TUSC3: variants seen among roughly 807,000 people sequenced by gnomAD.
TUSC3 encodes the protein dolichyl-diphosphooligosaccharide--protein glycosyltransferase subunit TUSC3.
In TUSC3, 45 loss-of-function variants were observed where a neutral mutation model predicts 44.8. The observed-to-expected ratio is 1.00, with a 90% confidence interval of 0.79 to 1.29. TUSC3 has a LOEUF of 1.29. Ranked by LOEUF, TUSC3 falls within the 50% of genes most tolerant of loss-of-function variation. TUSC3 has a pLI of 0.00. For missense variants in TUSC3, 519 were observed against 437.9 expected, an observed-to-expected ratio of 1.19 and a Z score of -1.65; for synonymous variants, 212 against 152.9, an observed-to-expected ratio of 1.39 and a Z score of -2.85.
chr8:15,815,100 G>C, the TUSC3 span, among the ~76,000 whole-genome samples: 2 of 152,112 alleles, frequency 1.3e-5, no homozygotes, highest in Non-Finnish European at 2.9e-5. Flanking sequence ...TAAGTAATGA[G>C]ACAATGTAGT....
At chr8:15,694,730 A>G (rs967438979) in intron 6 of TUSC3, among the ~76,000 whole-genome samples, 1 of 152,140 alleles carries the variant, frequency 6.6e-6, no homozygotes, top group African/African-American at 2.4e-5. Flanking sequence ...CCCGAGCTGC[A>G]TGCCCTAACT....
At chr8:15,433,355 A>T (rs974845628) in intron 1 of TUSC3, among the ~76,000 whole-genome samples, 7 of 152,298 alleles carry the variant, frequency 4.6e-5, no homozygotes, top group East Asian at 1.9e-4. Context: ...TTAATTTTTT[A>T]AAAATTTTTC....
chr8:15,448,479 T>C (rs1434352391), intron 1 of TUSC3, among the ~76,000 whole-genome samples: 1 of 152,070 alleles, frequency 6.6e-6, no homozygotes, highest in Non-Finnish European at 1.5e-5. Context: ...CTTTTGGAGA[T>C]TTTACCCTTT....
the TUSC3 span, among the ~76,000 whole-genome samples, chr8:15,844,804 G>C: frequency 6.6e-6 from 1 of 151,914 alleles, no homozygotes; most frequent in Non-Finnish European, 1.5e-5. Flanking sequence ...TACTGCCTCC[G>C]ATATTTTAAA....
intron 1 of TUSC3, among the ~76,000 whole-genome samples, chr8:15,467,277 CAAAAAAA>C (rs11371796): frequency 4.2e-4 from 43 of 103,040 alleles, no homozygotes; most frequent in Admixed American, 1.1e-3. Flanking sequence ...GTTCTTTAGC[CAAAAAAA>C]AAAAAAAAAA....
chr8:15,648,331 A>AC (rs1018930940), intron 2 of TUSC3, among the ~76,000 whole-genome samples: 3 of 152,142 alleles, frequency 2.0e-5, no homozygotes, highest in African/African-American at 7.2e-5. Flanking sequence ...ATACCCATGA[A>AC]CAAAGCAGTC....
the TUSC3 span, among the ~76,000 whole-genome samples, chr8:15,830,651 C>G: frequency 6.8e-4 from 103 of 152,190 alleles, no homozygotes; most frequent in Middle Eastern, 3.4e-3. Flanking sequence ...AGTGAAATAA[C>G]TTAAAAACAG....
chr8:15,512,896 C>A (rs1235581620), intron 2 of TUSC3, among the ~76,000 whole-genome samples: 1 of 102,898 alleles, frequency 9.7e-6, no homozygotes, highest in Non-Finnish European at 1.9e-5. Flanking sequence ...ACACACAATT[C>A]TCTCGGTGTA....
chr8:15,746,405 TTTTTATTTTTGATGTGGC>T (rs1444759740), intron 8 of TUSC3, among the ~76,000 whole-genome samples: 4 of 152,156 alleles, frequency 2.6e-5, no homozygotes, highest in African/African-American at 9.7e-5. Context: ...TTTGATGTGA[TTTTTATTTTTGATGTGGC>T]ACAACTACTA....
At position 15,748,465 on chromosome 8, in the gene TUSC3, G is replaced by T. The variant is rs1554486894; in HGVS notation, c.1028G>T (p.Ser343Ile). ...TCCAAGTACCACGGCTATCCTTATAGGTAATATCTTTATACTAACATGAAT... is the reference window on the plus strand; with the variant it reads ...TCCAAGTACCACGGCTATCCTTATATGTAATATCTTTATACTAACATGAAT... ...FRSKYHGYPYSDLDFE is the reference protein window; with the variant it reads ...FRSKYHGYPYIDLDFE Residue 343 changes from serine to isoleucine, a missense_variant and splice_region_variant, in exon 9 of 11, where the codon AGT becomes ATT. By Grantham distance (142) the Ser-to-Ile change is moderately radical (BLOSUM62 -2). Transcript: ENST00000503731. 1 of 1,598,406 alleles carries T rather than the reference G, an allele frequency of 6.3e-7. No individual in the cohort carries two copies.
intron 1 of TUSC3, among the ~76,000 whole-genome samples, chr8:15,613,451 C>T (rs549340213): frequency 2.0e-3 from 300 of 152,218 alleles, no homozygotes; most frequent in Admixed American, 6.5e-3. Context: ...TAAGAGTTTT[C>T]CATGCATTGG....
intron 1 of TUSC3, among the ~76,000 whole-genome samples, chr8:15,555,723 C>G (rs1802235244): frequency 6.6e-6 from 1 of 151,574 alleles, no homozygotes; most frequent in Non-Finnish European, 1.5e-5. Flanking sequence ...TATTTCATAA[C>G]TGTTGGAATA....
At chr8:15,774,680 T>G in the TUSC3 span, among the ~76,000 whole-genome samples, 1 of 152,132 alleles carries the variant, frequency 6.6e-6, no homozygotes, top group Admixed American at 6.6e-5. Context: ...AGGTCTTGAG[T>G]AAACATCAGA....
chr8:15,726,005 C>G (rs1164670138), intron 6 of TUSC3, among the ~76,000 whole-genome samples: 1 of 152,124 alleles, frequency 6.6e-6, no homozygotes, highest in East Asian at 1.9e-4. Context: ...CCCTAGCTCT[C>G]TTTTCAAGTA....
At chr8:15,818,757 T>C in the TUSC3 span, among the ~76,000 whole-genome samples, 141,923 of 152,296 alleles carry the variant, frequency 0.93, 66,288 homozygotes, top group Non-Finnish European at 0.97. Flanking sequence ...TAAATACTCA[T>C]GTACTTGCTT....
chr8:15,830,820 G>A, the TUSC3 span, among the ~76,000 whole-genome samples: 1 of 152,060 alleles, frequency 6.6e-6, no homozygotes, highest in Admixed American at 6.6e-5. Context: ...TACTATTCAG[G>A]TGATGGGTAC....
intron 8 of TUSC3, among the ~76,000 whole-genome samples, chr8:15,747,608 G>A (rs1811475975): frequency 6.6e-6 from 1 of 151,984 alleles, no homozygotes; most frequent in African/African-American, 2.4e-5. Context: ...TTATGCATCT[G>A]CTTTAGAGTA....
At chr8:15,436,199 A>G (rs1370967203) in intron 1 of TUSC3, among the ~76,000 whole-genome samples, 1 of 152,212 alleles carries the variant, frequency 6.6e-6, no homozygotes, top group Non-Finnish European at 1.5e-5. Flanking sequence ...ACATGGCAGA[A>G]GCCACGTTGC....
chr8:15,488,241 C>G (rs770892688), intron 2 of TUSC3, among the ~76,000 whole-genome samples: 3 of 151,614 alleles, frequency 2.0e-5, no homozygotes, highest in Admixed American at 6.6e-5. Flanking sequence ...TGTGGTGGCT[C>G]AGACCTATAA....
Sources: gnomAD v4.1 joint callset for allele counts (sites outside exome capture counted in the v4.1 genomes callset) on GRCh38, gnomAD v4.1.1 for gene constraint, MANE v1.5 for transcripts, NCBI Gene and HGNC (gene_info 2026-07-23, HGNC 2026-07-21) for gene names.